The following AP3D1 variants were observed in gnomAD, a reference collection of about 807,000 sequenced individuals.
The protein encoded by AP3D1 is adaptor related protein complex 3 subunit delta 1, also known as AP-3 complex subunit delta-1.
AP3D1 carries 51 observed loss-of-function variants against 147.6 expected under a neutral mutation model. That is an observed-to-expected ratio of 0.35 (90% CI 0.28 to 0.44). AP3D1 has a LOEUF of 0.44. Among genes scored for constraint, AP3D1 ranks in the 20% least tolerant of loss-of-function variants. The pLI is 1.00. For missense variants in AP3D1, 1,421 were observed against 1,624.2 expected, an observed-to-expected ratio of 0.87 and a Z score of 2.15; for synonymous variants, 760 against 663.0, an observed-to-expected ratio of 1.15 and a Z score of -2.25.
In AP3D1 at chr19:2,159,642, C is replaced by A. The variant is rs184714468; in HGVS notation, c.-103+4714G>T. On this transcript the variant is annotated intron_variant, in intron 1 of 14. Coordinates refer to the AP3D1 transcript ENST00000643010. Reference sequence around the variant, plus strand: ...TGACCTCATGATCCACCCACCTCGGCCTTCCAAAGTGCTGGGATTATAGGT... The same window carrying A: ...TGACCTCATGATCCACCCACCTCGGACTTCCAAAGTGCTGGGATTATAGGT... 9.3e-5 allele frequency among the ~76,000 whole-genome samples: 14 copies of A among 151,308 alleles called. No individual in the cohort carries two copies. The East Asian group carries it at 2.7e-3, about 30-fold the overall frequency.
At position 2,115,410 on chromosome 19, in the gene AP3D1, TAGGCAGCCCTGCGGGCCGGCAGC is replaced by T. The variant is rs1568281542; in HGVS notation, c.2150-15_2157del. The T allele has an allele frequency of 5.0e-6, 8 of 1,607,048 alleles. No homozygotes were observed. Among genetic ancestry groups the T allele is most frequent in the Admixed American group, 1.7e-5 (1 of 60,012 alleles). On this transcript the variant is annotated splice_acceptor_variant and splice_polypyrimidine_tract_variant and coding_sequence_variant and intron_variant, in exon 20 of 32. Transcript: ENST00000643116. LOFTEE classifies it high-confidence loss of function. ...TCCAGCTTCACATACTGATCTGACA[TAGGCAGCCCTGCGGGCCGGCAGC>T]GGGCAGCCACTCAGCACTGCACCCC...
intron 2 of AP3D1, among the ~76,000 whole-genome samples, chr19:2,138,392 C>T (rs2145139362): frequency 6.6e-6 from 1 of 152,246 alleles, no homozygotes; most frequent in East Asian, 1.9e-4. Flanking sequence ...GGGGCTCCCT[C>T]AGGGCTACCA....
chr19:2,124,200 G>C (rs920175271), intron 9 of AP3D1, among the ~76,000 whole-genome samples: 1 of 152,208 alleles, frequency 6.6e-6, no homozygotes, highest in East Asian at 1.9e-4. Context: ...GCCAGGCCCC[G>C]AGGCCACAGG....
At chr19:2,127,572 C>T (rs10405240) in intron 8 of AP3D1, among the ~76,000 whole-genome samples, 2,012 of 152,278 alleles carry the variant, frequency 0.013, 36 homozygotes, top group African/African-American at 0.045. Flanking sequence ...TTGCCCAGGC[C>T]GGAGTGCAAT....
At position 2,137,496 on chromosome 19, in the gene AP3D1, A is replaced by G. The variant is rs2018890; in HGVS notation, c.273+231T>C. On this transcript the variant is annotated intron_variant, in intron 3 of 31. Coordinates refer to ENST00000643116, the MANE Select transcript of AP3D1 (RefSeq NM_001261826.3). ...ACGCCCCACTAAATTTTGTATTTTT[A>G]GTAGAGATGGGGTTTCACCATGTTG... is the stretch of plus-strand genomic sequence containing the variant. 0.32 allele frequency among the ~76,000 whole-genome samples: 48,932 copies of G among 151,818 alleles called. 9,070 individuals are homozygous for G. The highest frequency in any genetic ancestry group is 0.43 in the Non-Finnish European group (29,121 of 67,934).
Position 2,115,217 on chromosome 19 carries a change from A to G in AP3D1, c.2349+2T>C. 6.2e-7 allele frequency: 1 copy of G among 1,611,676 alleles called. No individual in the cohort carries two copies. ...AGGACCGGGACCTCCAGCGAGGCTG[A>G]CCTCAGGCATCTCCTCTGTGACGAT... On this transcript the variant is annotated splice_donor_variant, in intron 20 of 31. Coordinates refer to ENST00000643116, the MANE Select transcript of AP3D1 (RefSeq NM_001261826.3). LOFTEE classifies it high-confidence loss of function.
At chr19:2,149,543 CAAAAA>C (rs34338190) in intron 1 of AP3D1, among the ~76,000 whole-genome samples, 1 of 115,054 alleles carries the variant, frequency 8.7e-6, no homozygotes, top group African/African-American at 3.5e-5. Flanking sequence ...AACTCCGTCT[CAAAAA>C]AAAAAAAAAA....
At chr19:2,111,108 C>T in intron 26 of AP3D1, 177 bp downstream of exon 26, 3 of 936,606 alleles carry the variant, frequency 3.2e-6, no homozygotes, top group East Asian at 5.3e-5. Flanking sequence ...AGTCTCAGGG[C>T]ATGTCTCCAA....
intron 14 of AP3D1, among the ~76,000 whole-genome samples, chr19:2,120,578 C>T (rs145256111): frequency 6.6e-6 from 1 of 152,332 alleles, no homozygotes; most frequent in African/African-American, 2.4e-5. Context: ...CCCATGGATC[C>T]TCCCACCTCC....
rs779204164 is a variant in AP3D1, at chr19:2,137,786, T to C, written c.214A>G (p.Ile72Val). The C allele has an allele frequency of 1.9e-6, 3 of 1,614,056 alleles. No individual in the cohort carries two copies. The highest frequency in any genetic ancestry group is 2.5e-6 in the Non-Finnish European group (3 of 1,179,972). ...LTYLQMLGYD[I>V]SWAAFNIIEV... ...ATGATGTTGAAGGCGGCCCAGCTGATGTCGTATCCCAACATCTGTAACTGT... is the reference window on the plus strand; with the variant it reads ...ATGATGTTGAAGGCGGCCCAGCTGACGTCGTATCCCAACATCTGTAACTGT... Residue 72 changes from isoleucine to valine, a missense_variant, in exon 3 of 32, where the codon ATC (isoleucine) becomes GTC (valine). Physicochemically the swap from Ile to Val is conservative, Grantham distance 29 (BLOSUM62 3). Coordinates refer to ENST00000643116, the MANE Select transcript of AP3D1 (RefSeq NM_001261826.3).
intron 1 of AP3D1, among the ~76,000 whole-genome samples, chr19:2,145,820 TA>T (rs1263077779): frequency 1.3e-5 from 2 of 150,106 alleles, no homozygotes; most frequent in Non-Finnish European, 3.0e-5. Context: ...TGCAAAGGAG[TA>T]AAATAGACAA....
chr19:2,111,618 G>A (rs980601406), intron 25 of AP3D1, 61 bp downstream of exon 25: 108 of 1,516,004 alleles, frequency 7.1e-5, no homozygotes, highest in Admixed American at 2.6e-4. Context: ...CAGGAGTGGG[G>A]AGCAGCGCAC....
upstream of AP3D1, among the ~76,000 whole-genome samples, chr19:2,155,531 CAA>C (rs60793261): frequency 6.3e-4 from 35 of 55,268 alleles, no homozygotes; most frequent in African/African-American, 1.4e-3. Context: ...GACTCTGTCT[CAA>C]AAAAAAAAAA....
intron 1 of AP3D1, among the ~76,000 whole-genome samples, chr19:2,140,167 A>G (rs192457248): frequency 1.3e-5 from 2 of 152,066 alleles, no homozygotes; most frequent in African/African-American, 4.8e-5. Context: ...TTTAAAAGGA[A>G]AAGAACAAAA....
intron 27 of AP3D1, 123 bp downstream of exon 27, chr19:2,110,584 T>C (rs2018243147): frequency 9.1e-7 from 1 of 1,099,912 alleles, no homozygotes. Context: ...GGTACTGAGG[T>C]GCAGCCTGGG....
At chr19:2,151,104 C>A in intron 1 of AP3D1, 135 bp downstream of exon 1, 1 of 792,536 alleles carries the variant, frequency 1.3e-6, no homozygotes, top group Non-Finnish European at 1.9e-6. Context: ...CCAGGCAGGG[C>A]CGGAGCCCTA....
intron 21 of AP3D1, 106 bp downstream of exon 21, chr19:2,114,642 A>G: frequency 7.2e-6 from 2 of 278,000 alleles, no homozygotes; most frequent in Non-Finnish European, 6.9e-6. Flanking sequence ...ACCCCACCCC[A>G]GCCTGCCCAC....
In AP3D1 at chr19:2,110,894, G is replaced by C; in HGVS notation, c.2988C>G (p.Thr996=). 2 of 1,612,676 alleles carry C rather than the reference G, an allele frequency of 1.2e-6. No individual in the cohort carries two copies. Among genetic ancestry groups the C allele is most frequent in the South Asian group, 2.2e-5 (2 of 91,052 alleles). The change falls in exon 27 of 32, where the codon ACC becomes ACG. Residue 996 remains threonine, a splice_region_variant and synonymous_variant. Transcript: ENST00000643116. Reference sequence around the variant, plus strand: ...CCTGCAGACTGCCCCGGATGTCACAGGTCTGCAGGGCATGGCCAGTGTTAG... The same window carrying C: ...CCTGCAGACTGCCCCGGATGTCACACGTCTGCAGGGCATGGCCAGTGTTAG... ...LLAENSYVKM[T]CDIRGSLQED... is the part of the protein sequence containing the mutation.
intron 8 of AP3D1, 101 bp from the exon 9 acceptor site, chr19:2,127,302 G>T: frequency 7.7e-7 from 1 of 1,294,932 alleles, no homozygotes; most frequent in Non-Finnish European, 1.1e-6. Context: ...TCCGCCCCAC[G>T]GCTCAGGGAG....
Sources: gnomAD v4.1 joint callset for allele counts (sites outside exome capture counted in the v4.1 genomes callset) on GRCh38, gnomAD v4.1.1 for gene constraint, MANE v1.5 for transcripts, NCBI Gene and HGNC (gene_info 2026-07-23, HGNC 2026-07-21) for gene names.